ELFN2: variants seen among roughly 807,000 people sequenced by gnomAD.
The protein encoded by ELFN2 is protein phosphatase 1 regulatory subunit 29.
A neutral mutation model predicts 45.5 loss-of-function variants in ELFN2; 17 were observed. The ratio of observed to expected loss-of-function variants is 0.37; its 90% CI spans 0.26 to 0.56. The LOEUF is 0.56. ELFN2 is among the 20% of genes least tolerant of loss of function. The pLI is 0.77. For missense variants in ELFN2, 922 were observed against 1,183.2 expected (o/e 0.78, Z 3.24); for synonymous variants, 550 against 551.5 (o/e 1.00, Z 0.04).
chr22:37,368,730 C>G lies in ELFN2; in HGVS notation c.*4342G>C, dbSNP rs1931271263. 1 of 152,344 alleles carries G rather than the reference C, an allele frequency of 6.6e-6. No individual in the cohort carries two copies. Among genetic ancestry groups the G allele is most frequent in the African/African-American group, 2.4e-5 (1 of 41,442 alleles). 9.4% of individuals were successfully genotyped at this position (152,344 alleles called of 1,614,324 possible). On this transcript the variant is annotated 3_prime_UTR_variant, in exon 3 of 3. Coordinates refer to ENST00000402918, the MANE Select transcript of ELFN2 (RefSeq NM_052906.5). ...TAAGCCCCTCAGGGCTGAGCTTCCC[C>G]AGGCTCCCCGACGGCTTGCCCCGCC...
intron 2 of ELFN2, among the ~76,000 whole-genome samples, chr22:37,389,341 C>T (rs1466956382): frequency 2.6e-5 from 4 of 152,268 alleles, no homozygotes; most frequent in Admixed American, 2.6e-4. Flanking sequence ...GCTCACACCC[C>T]ACCATGTCCC....
chr22:37,341,618 C>T (rs1442512635), intron 2 of ELFN2, among the ~76,000 whole-genome samples: 2 of 152,254 alleles, frequency 1.3e-5, no homozygotes, highest in Admixed American at 1.3e-4. Flanking sequence ...TGTCTGAGAA[C>T]AGCCCCATCT....
Position 37,378,785 on chromosome 22 carries a change from C to T in ELFN2, c.-462-2789G>A, listed in dbSNP as rs117288396. ...CATCCCGGGCTGCCTGCCTGCCACC[C>T]GTGGAGACCTGACGCGGCCAGGGAG... On this transcript the variant is annotated intron_variant, in intron 2 of 2. Transcript: ENST00000402918. 7.4e-3 allele frequency among the ~76,000 whole-genome samples: 1,123 copies of T among 152,358 alleles called. 8 individuals are homozygous for T. Among genetic ancestry groups the T allele is most frequent in the Non-Finnish European group, 1.0e-2 (679 of 68,038 alleles).
At chr22:37,407,209 C>T (rs1000263257) in intron 2 of ELFN2, among the ~76,000 whole-genome samples, 8 of 152,140 alleles carry the variant, frequency 5.3e-5, no homozygotes, top group African/African-American at 1.7e-4. Flanking sequence ...AGGAAGCCTG[C>T]GTTCAATTAC....
At chr22:37,396,121 AAAGAC>A (rs1932207615) in intron 2 of ELFN2, among the ~76,000 whole-genome samples, 2 of 152,240 alleles carry the variant, frequency 1.3e-5, no homozygotes, top group South Asian at 4.1e-4. Context: ...TGGAAAACAC[AAAGAC>A]AAGCCAGGAA....
rs115246115 is a variant in ELFN2, at chr22:37,393,740, G to A, written c.-462-17744C>T. On this transcript the variant is annotated intron_variant, in intron 2 of 2. Coordinates refer to ENST00000402918, the MANE Select transcript of ELFN2 (RefSeq NM_052906.5). ...CTCGCTGACTCGGGGTCCCCAGAGC[G>A]TCCCCATCACATGTGCCAACAGGAG... 2.7e-3 allele frequency among the ~76,000 whole-genome samples: 417 copies of A among 152,246 alleles called. 4 individuals carry two copies. The highest frequency in any genetic ancestry group is 9.1e-3 in the African/African-American group (378 of 41,536).
chr22:37,377,649 C>T (rs1931618309), intron 2 of ELFN2, among the ~76,000 whole-genome samples: 1 of 152,174 alleles, frequency 6.6e-6, no homozygotes, highest in Non-Finnish European at 1.5e-5. Flanking sequence ...CCAGATGGCC[C>T]GCTGGACTAA....
chr22:37,352,537 A>G (rs1930847324), intron 1 of ELFN2: 1 of 151,050 alleles, frequency 6.6e-6, no homozygotes, highest in Non-Finnish European at 1.5e-5. Flanking sequence ...GTAAGGCCAT[A>G]TAGGAGGGCT....
chr22:37,421,454 C>T (rs184341995), intron 1 of ELFN2, among the ~76,000 whole-genome samples: 177 of 152,336 alleles, frequency 1.2e-3, no homozygotes, highest in Non-Finnish European at 1.9e-3. Context: ...CTCCAGCCTG[C>T]AGCAGCAACC....
chr22:37,396,323 G>A (rs1483797499), intron 2 of ELFN2, among the ~76,000 whole-genome samples: 1 of 152,220 alleles, frequency 6.6e-6, no homozygotes, highest in Admixed American at 6.5e-5. Context: ...CCAAGGGTGG[G>A]ACGAGGGCTG....
rs533767100 is a variant in ELFN2, at chr22:37,362,147, G to C, written n.149-19444C>G. Reference sequence around the variant, plus strand: ...GCATGGTCAAGTGGAAAGTGTCTGGGAATGCCCGTGGGCCCTGCAGACTCA... The same window carrying C: ...GCATGGTCAAGTGGAAAGTGTCTGGCAATGCCCGTGGGCCCTGCAGACTCA... On this transcript the variant is annotated intron_variant and non_coding_transcript_variant, in intron 1 of 2. Transcript: ENST00000452946. Among the ~76,000 whole-genome samples the C allele has an allele frequency of 3.3e-5, 5 of 152,338 alleles. No individual in the cohort carries two copies. The East Asian group carries it at 9.6e-4, about 29-fold the overall frequency.
At chr22:37,386,133 G>C (rs930972687) in intron 2 of ELFN2, among the ~76,000 whole-genome samples, 2 of 152,164 alleles carry the variant, frequency 1.3e-5, no homozygotes, top group South Asian at 4.1e-4. Flanking sequence ...TGGGGTTTGA[G>C]GGTTACCCTC....
chr22:37,389,823 C>A (rs1191298228), intron 2 of ELFN2, among the ~76,000 whole-genome samples: 2 of 152,172 alleles, frequency 1.3e-5, no homozygotes, highest in Non-Finnish European at 2.9e-5. Flanking sequence ...CAGTGCCCAG[C>A]CTAAGGCCTG....
At chr22:37,396,389 G>C (rs1433764308) in intron 2 of ELFN2, among the ~76,000 whole-genome samples, 2 of 152,194 alleles carry the variant, frequency 1.3e-5, no homozygotes, top group East Asian at 1.9e-4. Flanking sequence ...AAGAGGCTCA[G>C]CAAATGCTGC....
chr22:37,394,968 G>C (rs775915470), intron 2 of ELFN2, among the ~76,000 whole-genome samples: 5 of 151,892 alleles, frequency 3.3e-5, no homozygotes, highest in Non-Finnish European at 7.4e-5. Flanking sequence ...CTGGGAAAGG[G>C]GGCACACGCC....
intron 2 of ELFN2, among the ~76,000 whole-genome samples, chr22:37,386,146 C>T (rs79244507): frequency 0.022 from 3,314 of 152,234 alleles, 61 homozygotes; most frequent in Non-Finnish European, 0.031. Flanking sequence ...TTACCCTCTC[C>T]CAAACATTAT....
chr22:37,349,931 G>A (rs1204681924), intron 1 of ELFN2, among the ~76,000 whole-genome samples: 1 of 151,100 alleles, frequency 6.6e-6, no homozygotes, highest in Non-Finnish European at 1.5e-5. Context: ...GAGGTAAGTG[G>A]GCACGAGGCT....
chr22:37,364,032 T>C (rs565799995), downstream of ELFN2, among the ~76,000 whole-genome samples: 1 of 152,302 alleles, frequency 6.6e-6, no homozygotes, highest in South Asian at 2.1e-4. Context: ...AAGCTGCAGA[T>C]GGGACCTGCA....
intron 1 of ELFN2, among the ~76,000 whole-genome samples, chr22:37,347,806 C>A (rs1490745726): frequency 6.6e-6 from 1 of 152,168 alleles, no homozygotes. Flanking sequence ...AGGCAGGGAA[C>A]CCCCAGATTC....
Sources: gnomAD v4.1 joint callset for allele counts (sites outside exome capture counted in the v4.1 genomes callset) on GRCh38, gnomAD v4.1.1 for gene constraint, MANE v1.5 for transcripts, NCBI Gene and HGNC (gene_info 2026-07-23, HGNC 2026-07-21) for gene names.